The following GNAQ variants were observed in gnomAD, a reference collection of about 807,000 sequenced individuals.
GNAQ encodes G protein subunit alpha q, also known as guanine nucleotide-binding protein G(q) subunit alpha.
GNAQ carries 8 observed loss-of-function variants against 43.9 expected under a neutral mutation model. That is an observed-to-expected ratio of 0.18 (90% CI 0.11 to 0.33). The LOEUF is 0.33. Among genes scored for constraint, GNAQ ranks in the 10% least tolerant of loss-of-function variants. The probability of loss-of-function intolerance (pLI) is 1.00; values close to 1 mark genes in which losing one functional copy is unlikely to be tolerated. For missense variants in GNAQ, 158 were observed against 450.8 expected, an observed-to-expected ratio of 0.35 and a Z score of 5.88; for synonymous variants, 155 against 170.7, an observed-to-expected ratio of 0.91 and a Z score of 0.71.
intron 4 of GNAQ, among the ~76,000 whole-genome samples, chr9:77,796,699 C>T (rs1188046077): frequency 6.6e-6 from 1 of 152,076 alleles, no homozygotes; most frequent in East Asian, 1.9e-4. Context: ...CAAAATTTTT[C>T]AAGCAACATA....
intron 5 of GNAQ, among the ~76,000 whole-genome samples, chr9:77,736,673 G>A (rs780992325): frequency 6.6e-6 from 1 of 152,058 alleles, no homozygotes; most frequent in African/African-American, 2.4e-5. Context: ...ATCAGAGTGT[G>A]TTGTAGGAGA....
intron 1 of GNAQ, among the ~76,000 whole-genome samples, chr9:77,977,006 G>T (rs1286955825): frequency 2.0e-5 from 3 of 152,124 alleles, no homozygotes; most frequent in African/African-American, 7.2e-5. Context: ...ATCAATTCCT[G>T]ATAGAGAAAT....
At chr9:77,904,118 T>C (rs1828662865) in intron 2 of GNAQ, among the ~76,000 whole-genome samples, 1 of 152,148 alleles carries the variant, frequency 6.6e-6, no homozygotes, top group Non-Finnish European at 1.5e-5. Flanking sequence ...CCTGGTAGGC[T>C]GAACACTTGC....
intron 1 of GNAQ, among the ~76,000 whole-genome samples, chr9:77,956,909 G>A (rs781562966): frequency 6.6e-6 from 1 of 152,066 alleles, no homozygotes; most frequent in Non-Finnish European, 1.5e-5. Context: ...ATTTATTTGG[G>A]GTTTGAAATA....
At chr9:77,831,088 A>G (rs905299529) in intron 2 of GNAQ, among the ~76,000 whole-genome samples, 1 of 152,250 alleles carries the variant, frequency 6.6e-6, no homozygotes, top group African/African-American at 2.4e-5. Context: ...AAGCACAGCT[A>G]GTAACATTCC....
intron 1 of GNAQ, among the ~76,000 whole-genome samples, chr9:78,008,601 TTTCATTTCATTTCATTTC>T (rs1468957927): frequency 0.018 from 2,802 of 151,950 alleles, 86 homozygotes; most frequent in African/African-American, 0.063. Flanking sequence ...TTTCATTTCA[TTTCATTTCATTTCATTTC>T]ATTTTATTTT....
intron 1 of GNAQ, among the ~76,000 whole-genome samples, chr9:77,988,394 A>T (rs886295130): frequency 6.6e-6 from 1 of 152,236 alleles, no homozygotes; most frequent in African/African-American, 2.4e-5. Context: ...CCTACACTGC[A>T]ACCTAAAAGG....
intron 2 of GNAQ, among the ~76,000 whole-genome samples, chr9:77,857,833 A>T (rs1827783608): frequency 6.6e-6 from 1 of 151,354 alleles, no homozygotes; most frequent in Non-Finnish European, 1.5e-5. Flanking sequence ...TTAATGAAAA[A>T]ACAATTTATA....
At chr9:77,767,347 G>A (rs935172349) in intron 5 of GNAQ, among the ~76,000 whole-genome samples, 2 of 151,964 alleles carry the variant, frequency 1.3e-5, no homozygotes, top group Non-Finnish European at 2.9e-5. Flanking sequence ...GAACCCAAAT[G>A]TCTCCACACA....
At chr9:77,761,047 C>T (rs1281096326) in intron 5 of GNAQ, among the ~76,000 whole-genome samples, 1 of 151,884 alleles carries the variant, frequency 6.6e-6, no homozygotes, top group Non-Finnish European at 1.5e-5. Flanking sequence ...GCCCCTCCGC[C>T]CGGCAGCCAC....
chr9:77,721,303 C>G lies in GNAQ; in HGVS notation c.*20G>C, dbSNP rs369796989. ...AATAGCCCACCAGGGAAGGGCAGGG[C>G]GGGTGTCTAGGAGGCACAATTAGAC... On this transcript the variant is annotated 3_prime_UTR_variant, in exon 7 of 7. Transcript: ENST00000286548. 1 of 1,539,914 alleles carries G rather than the reference C, an allele frequency of 6.5e-7. No homozygotes were observed. Among genetic ancestry groups the G allele is most frequent in the East Asian group, 2.3e-5 (1 of 44,428 alleles).
chr9:77,821,727 GTGTGTGTGTGT>G (rs1280555984), intron 2 of GNAQ, among the ~76,000 whole-genome samples: 2,275 of 149,136 alleles, frequency 0.015, 52 homozygotes, highest in African/African-American at 0.046. Context: ...TAGTATGGGT[GTGTGTGTGTGT>G]GTGTGTGTGT....
At chr9:77,819,029 A>G (rs11145575) in intron 2 of GNAQ, among the ~76,000 whole-genome samples, 57,610 of 119,136 alleles carry the variant, frequency 0.48, 17,609 homozygotes, top group Non-Finnish European at 0.66. Context: ...AAAAAAAAAA[A>G]CACCCAAAAA....
At chr9:77,853,074 C>G (rs1053533562) in intron 2 of GNAQ, among the ~76,000 whole-genome samples, 1 of 152,110 alleles carries the variant, frequency 6.6e-6, no homozygotes, top group African/African-American at 2.4e-5. Context: ...GGAAAAGAGA[C>G]AGATAAAAGT....
chr9:77,959,115 AG>A (rs1182206873), intron 1 of GNAQ, among the ~76,000 whole-genome samples: 1 of 152,144 alleles, frequency 6.6e-6, no homozygotes, highest in Non-Finnish European at 1.5e-5. Flanking sequence ...AGGGCCCCAG[AG>A]TTCAATATTT....
intron 2 of GNAQ, among the ~76,000 whole-genome samples, chr9:77,847,675 C>A (rs1057287622): frequency 1.3e-5 from 2 of 152,232 alleles, no homozygotes; most frequent in African/African-American, 2.4e-5. Flanking sequence ...ATTTGGTCAA[C>A]TGGCTACAAA....
chr9:77,947,603 T>C (rs1382605513), intron 1 of GNAQ, among the ~76,000 whole-genome samples: 4 of 152,200 alleles, frequency 2.6e-5, no homozygotes, highest in African/African-American at 4.8e-5. Flanking sequence ...CTATTACCCA[T>C]ACATGCCCCT....
At chr9:77,943,553 T>C (rs1829344217) in intron 1 of GNAQ, among the ~76,000 whole-genome samples, 1 of 151,794 alleles carries the variant, frequency 6.6e-6, no homozygotes, top group Non-Finnish European at 1.5e-5. Context: ...ATGATATAAA[T>C]CTCTAGTATG....
intron 1 of GNAQ, among the ~76,000 whole-genome samples, chr9:77,961,243 T>C (rs1402376788): frequency 2.6e-5 from 4 of 152,054 alleles, no homozygotes; most frequent in Non-Finnish European, 4.4e-5. Flanking sequence ...GGGATACAAA[T>C]AAGGTAAATC....
Sources: allele counts gnomAD v4.1 joint callset (sites outside exome capture counted in the v4.1 genomes callset), GRCh38; gene constraint gnomAD v4.1.1; transcripts MANE v1.5; gene names NCBI Gene and HGNC (gene_info 2026-07-23, HGNC 2026-07-21).